Variants in PHF14 observed in about 807,000 individuals in gnomAD.
PHF14 encodes the protein PHD finger protein 14.
PHF14 carries 55 observed loss-of-function variants against 117.9 expected under a neutral mutation model. The observed-to-expected ratio is 0.47, with a 90% confidence interval of 0.38 to 0.58. The LOEUF (loss-of-function observed/expected upper bound fraction) is 0.58. Ranked by LOEUF, PHF14 falls within the 20% of genes least tolerant of loss-of-function variation. The pLI, the probability that PHF14 is intolerant of heterozygous loss-of-function variation, is 0.00. For synonymous variants in PHF14, 409 were observed against 368.6 expected (o/e 1.11, Z -1.26); for missense variants, 978 against 1,122.2 (o/e 0.87, Z 1.84).
intron 8 of PHF14, 37 bp from the exon 9 acceptor site, chr7:11,036,381 T>C (rs1408282408): frequency 6.7e-7 from 1 of 1,483,840 alleles, no homozygotes; most frequent in Non-Finnish European, 9.2e-7. Flanking sequence ...TGTTTCATTT[T>C]ATTATCTTTT....
At position 11,029,652 on chromosome 7, in the gene PHF14, A is replaced by G. The variant is rs572129176; in HGVS notation, c.1455+834A>G. 3.3e-5 allele frequency among the ~76,000 whole-genome samples: 5 copies of G among 152,284 alleles called. No individual in the cohort carries two copies. In the East Asian group the frequency reaches 7.7e-4, roughly 24 times the overall value. On this transcript the variant is annotated intron_variant, in intron 7 of 17. Coordinates refer to ENST00000634607, the MANE Select transcript of PHF14 (RefSeq NM_001007157.2). ...TTAATGAATATTGCAAAAAATTTTC[A>G]GTTTTAATTTTTAATAGGGTAACTG...
intron 16 of PHF14, chr7:11,109,374 G>A (rs1787368923): frequency 6.6e-6 from 1 of 151,702 alleles, no homozygotes; most frequent in Non-Finnish European, 1.5e-5. Context: ...AGCAGCATAT[G>A]TTATTCTTAC....
At chr7:11,056,933 G>T (rs1785041303) in intron 14 of PHF14, among the ~76,000 whole-genome samples, 1 of 151,574 alleles carries the variant, frequency 6.6e-6, no homozygotes, top group Non-Finnish European at 1.5e-5. Flanking sequence ...CTTAACAGAG[G>T]TTTTCAAAGT....
chr7:11,134,346 A>G (rs544639055), intron 17 of PHF14, among the ~76,000 whole-genome samples: 9 of 152,150 alleles, frequency 5.9e-5, no homozygotes, highest in East Asian at 3.9e-4. Flanking sequence ...GACCTGAAAT[A>G]TCATTTAGAG....
rs78997187 is a variant in PHF14, at chr7:11,121,818, A to G, written c.2772+10351A>G. Among the ~76,000 whole-genome samples, 1,074 of 152,166 alleles carry G rather than the reference A, an allele frequency of 7.1e-3. 11 individuals carry two copies. The highest frequency in any genetic ancestry group is 0.024 in the African/African-American group (1,016 of 41,518). On this transcript the variant is annotated intron_variant, in intron 17 of 17. Coordinates refer to ENST00000634607, the MANE Select transcript of PHF14 (RefSeq NM_001007157.2). ...ATTTCATCATGCTCTTCAGAATGGT[A>G]TGCAATTTAAAACTTCCAAACTGTT...
chr7:11,115,518 A>G lies in PHF14; in HGVS notation c.2772+4051A>G, dbSNP rs184970755. 1.9e-3 allele frequency among the ~76,000 whole-genome samples: 294 copies of G among 152,162 alleles called. 4 individuals carry two copies. The highest frequency in any genetic ancestry group is 1.9e-3 in the South Asian group (9 of 4,830). On this transcript the variant is annotated intron_variant, in intron 17 of 17. Transcript: ENST00000634607. ...GATGTTTTTTCTATTGATTTGCATC[A>G]TCAAAAATAGCTTTCTGAAAATGTA...
In PHF14 at chr7:10,995,947, C is replaced by T. The variant is rs369326766; in HGVS notation, c.1045+5100C>T. 8.5e-5 allele frequency among the ~76,000 whole-genome samples: 13 copies of T among 152,258 alleles called. 2 individuals carry two copies. The highest frequency in any genetic ancestry group is 5.9e-4 in the Admixed American group (9 of 15,292). On this transcript the variant is annotated intron_variant, in intron 4 of 17. Coordinates refer to ENST00000634607, the MANE Select transcript of PHF14 (RefSeq NM_001007157.2). ...CGCAAGCTGAGGGAGCTGGCTCCAC[C>T]CTCGGCCAGCCCAGAGAGGGGCTCC...
At chr7:11,127,101 G>A (rs1356411074) in intron 17 of PHF14, among the ~76,000 whole-genome samples, 1 of 151,860 alleles carries the variant, frequency 6.6e-6, no homozygotes, top group Admixed American at 6.6e-5. Context: ...GTTACCTTTA[G>A]GTATTAATAG....
intron 17 of PHF14, 60 bp from the exon 18 acceptor site, chr7:11,169,356 G>T: frequency 1.3e-6 from 1 of 748,518 alleles, no homozygotes; most frequent in East Asian, 2.9e-5. Flanking sequence ...AATCTGTCAA[G>T]TATAGCTGAT....
intron 17 of PHF14, among the ~76,000 whole-genome samples, chr7:11,168,266 A>G (rs546127980): frequency 6.6e-6 from 1 of 152,306 alleles, no homozygotes; most frequent in Admixed American, 6.5e-5. Context: ...AGATTGGTTG[A>G]TAATATTGAT....
At chr7:11,029,618 T>G (rs1317667394) in intron 7 of PHF14, among the ~76,000 whole-genome samples, 1 of 152,186 alleles carries the variant, frequency 6.6e-6, no homozygotes, top group African/African-American at 2.4e-5. Flanking sequence ...ACCCATTATT[T>G]AAAATAAATT....
intron 3 of PHF14, among the ~76,000 whole-genome samples, chr7:10,985,638 G>GTTTTTTTTTTTTTTTT (rs61250143): frequency 2.2e-5 from 1 of 45,936 alleles, no homozygotes; most frequent in Non-Finnish European, 4.0e-5. Context: ...TTCTCAAACT[G>GTTTTTTTTTTTTTTTT]TTTTTTTTTT....
chr7:10,997,998 C>T (rs958451322), intron 4 of PHF14, among the ~76,000 whole-genome samples: 1 of 152,070 alleles, frequency 6.6e-6, no homozygotes, highest in African/African-American at 2.4e-5. Flanking sequence ...GGCTGCCTAC[C>T]ACATGTGCAG....
chr7:11,166,874 G>A (rs1265574077), intron 17 of PHF14, among the ~76,000 whole-genome samples: 2 of 152,244 alleles, frequency 1.3e-5, no homozygotes, highest in East Asian at 3.9e-4. Flanking sequence ...TGAACAGCAG[G>A]CAGTGTTAGA....
At chr7:10,983,496 T>C (rs1782115006) in intron 3 of PHF14, among the ~76,000 whole-genome samples, 1 of 152,208 alleles carries the variant, frequency 6.6e-6, no homozygotes, top group African/African-American at 2.4e-5. Flanking sequence ...TGAATGGTGC[T>C]GAGTGCATTA....
At chr7:11,111,502 G>A (rs749917924) in intron 17 of PHF14, 35 bp downstream of exon 17, 2 of 1,055,140 alleles carry the variant, frequency 1.9e-6, no homozygotes, top group Non-Finnish European at 2.9e-6. Context: ...AGGTATTGGT[G>A]TCCTTCCGTT....
At chr7:11,102,244 A>G (rs1327126812) in intron 16 of PHF14, among the ~76,000 whole-genome samples, 1 of 151,822 alleles carries the variant, frequency 6.6e-6, no homozygotes, top group Non-Finnish European at 1.5e-5. Flanking sequence ...TTGACAACCA[A>G]AAGTAATAAT....
chr7:11,142,086 T>C (rs1165436828), intron 17 of PHF14, among the ~76,000 whole-genome samples: 1 of 152,102 alleles, frequency 6.6e-6, no homozygotes, highest in Non-Finnish European at 1.5e-5. Flanking sequence ...TTGTTAGTTT[T>C]GCTGCTGCAT....
intron 16 of PHF14, among the ~76,000 whole-genome samples, chr7:11,083,170 G>A (rs973520683): frequency 3.9e-5 from 6 of 152,116 alleles, no homozygotes; most frequent in Non-Finnish European, 5.9e-5. Context: ...TTTGCGTCAG[G>A]GATAAAAACT....
Sources: allele counts gnomAD v4.1 joint callset (sites outside exome capture counted in the v4.1 genomes callset), GRCh38; gene constraint gnomAD v4.1.1; transcripts MANE v1.5; gene names NCBI Gene and HGNC (gene_info 2026-07-23, HGNC 2026-07-21).